The following FAM210A variants were observed in gnomAD, a reference collection of about 807,000 sequenced individuals.
FAM210A encodes the protein family with sequence similarity 210 member A.
In FAM210A, 13 loss-of-function variants were observed where a neutral mutation model predicts 25.3. The observed-to-expected ratio is 0.51, with a 90% CI of 0.33 to 0.82. FAM210A has a LOEUF of 0.82. Among genes scored for constraint, FAM210A ranks in the 40% least tolerant of loss-of-function variants. FAM210A has a pLI of 0.02. For synonymous variants in FAM210A, 125 were observed against 118.7 expected, an observed-to-expected ratio of 1.05 and a Z score of -0.35; for missense variants, 319 against 323.2, an observed-to-expected ratio of 0.99 and a Z score of 0.10.
intron 1 of FAM210A, among the ~76,000 whole-genome samples, chr18:13,697,142 T>G (rs900364429): frequency 6.6e-6 from 1 of 152,154 alleles, no homozygotes; most frequent in African/African-American, 2.4e-5. Flanking sequence ...CCTATGATGT[T>G]CTCACAATGA....
intron 1 of FAM210A, among the ~76,000 whole-genome samples, chr18:13,714,634 G>C (rs184456051): frequency 2.6e-5 from 4 of 152,302 alleles, no homozygotes; most frequent in African/African-American, 9.6e-5. Context: ...TGGCTATTCA[G>C]TCTTCTTTGA....
chr18:13,678,389 G>A (rs1282160805), intron 2 of FAM210A, among the ~76,000 whole-genome samples: 1 of 151,910 alleles, frequency 6.6e-6, no homozygotes, highest in East Asian at 1.9e-4. Context: ...TCCTGCCTCA[G>A]CCTCCCAAGT....
At chr18:13,724,898 T>C (rs1009362856) in intron 1 of FAM210A, among the ~76,000 whole-genome samples, 1 of 152,098 alleles carries the variant, frequency 6.6e-6, no homozygotes, top group Non-Finnish European at 1.5e-5. Context: ...CTCAGCCTCC[T>C]GAGTAGCTGG....
In FAM210A at chr18:13,666,127, A is replaced by T. The variant is rs182448499; in HGVS notation, c.*353T>A. On this transcript the variant is annotated 3_prime_UTR_variant, in exon 4 of 4. Coordinates refer to ENST00000651643, the MANE Select transcript of FAM210A (RefSeq NM_152352.4). ...ATTAACAGACTATTTTATGGGTCAC[A>T]CTGGATATTCAAGGAGTCAGCTGCC... 4 of 222,060 alleles carry T rather than the reference A, an allele frequency of 1.8e-5. No individual in the cohort carries two copies. Among genetic ancestry groups the T allele is most frequent in the African/African-American group, 9.1e-5 (4 of 43,872 alleles). 13.8% of individuals were successfully genotyped at this position (222,060 alleles called of 1,614,324 possible). A position where few individuals can be genotyped will look rare whatever the true frequency, so the allele number is the denominator to read the frequency against.
chr18:13,710,832 G>C (rs986156253), intron 1 of FAM210A, among the ~76,000 whole-genome samples: 2 of 152,136 alleles, frequency 1.3e-5, no homozygotes, highest in African/African-American at 4.8e-5. Flanking sequence ...AGCCTTCAGG[G>C]AGAATGATTT....
chr18:13,723,025 C>T (rs529178963), intron 1 of FAM210A, among the ~76,000 whole-genome samples: 2 of 152,190 alleles, frequency 1.3e-5, no homozygotes, highest in South Asian at 2.1e-4. Flanking sequence ...TTAAAAGCAA[C>T]CAGCCTATCT....
intron 1 of FAM210A, among the ~76,000 whole-genome samples, chr18:13,723,003 T>C (rs1329286254): frequency 6.6e-6 from 1 of 152,106 alleles, no homozygotes; most frequent in East Asian, 1.9e-4. Flanking sequence ...TTTCTCACTT[T>C]ACCCAGTACA....
chr18:13,678,495 G>A (rs1785191), intron 2 of FAM210A, among the ~76,000 whole-genome samples: 7,020 of 152,142 alleles, frequency 0.046, 542 homozygotes, highest in African/African-American at 0.16. Flanking sequence ...TCTCCATGTT[G>A]GTTAGGCTGG....
At chr18:13,680,501 TG>T (rs1482634286) in intron 2 of FAM210A, among the ~76,000 whole-genome samples, 38 of 152,316 alleles carry the variant, frequency 2.5e-4, no homozygotes, top group Middle Eastern at 3.4e-3. Flanking sequence ...TTAGAAATTT[TG>T]TCAAGAAATC....
rs143520840 is a variant in FAM210A, at chr18:13,664,919, A to G, written c.*1561T>C. On this transcript the variant is annotated 3_prime_UTR_variant, in exon 4 of 4. Coordinates refer to ENST00000651643, the MANE Select transcript of FAM210A (RefSeq NM_152352.4). ...AATCTAAGAGGCCATTCCCTCATCC[A>G]ATTAGCAATTGAAGGGTTAGAACTG... 3.6e-3 allele frequency: 546 copies of G among 152,570 alleles called. No homozygotes were observed. Among genetic ancestry groups the G allele is most frequent in the Middle Eastern group, 0.01 (3 of 294 alleles). 9.5% of individuals were successfully genotyped at this position (152,570 alleles called of 1,614,324 possible). A position where few individuals can be genotyped will look rare whatever the true frequency, so the allele number is the denominator to read the frequency against.
intron 1 of FAM210A, among the ~76,000 whole-genome samples, chr18:13,694,045 A>G (rs2043672162): frequency 6.6e-6 from 1 of 152,260 alleles, no homozygotes; most frequent in South Asian, 2.1e-4. Context: ...TACAAAATCA[A>G]TGTGCAAAAA....
At position 13,675,988 on chromosome 18, in the gene FAM210A, T is replaced by G. The variant is rs1211113969; in HGVS notation, c.474-4015A>C. ...CATTCCTGAGCCGTGGTAACTTCTT[T>G]ATTTCCAGTTTCCTGATTATTAACA... On this transcript the variant is annotated intron_variant, in intron 2 of 3. Coordinates refer to ENST00000651643, the MANE Select transcript of FAM210A (RefSeq NM_152352.4). Among the ~76,000 whole-genome samples, 10 of 135,678 alleles carry G rather than the reference T, an allele frequency of 7.4e-5. 3 individuals are homozygous for G. The highest frequency in any genetic ancestry group is 2.4e-4 in the African/African-American group (9 of 37,196). The allele number at this position is 135,678 out of a possible 152,430, so 89.0% of individuals were successfully genotyped here. A position where few individuals can be genotyped will look rare whatever the true frequency, so the allele number is the denominator to read the frequency against.
At chr18:13,701,969 C>G (rs1488807257) in intron 1 of FAM210A, among the ~76,000 whole-genome samples, 3 of 152,210 alleles carry the variant, frequency 2.0e-5, no homozygotes, top group African/African-American at 7.2e-5. Flanking sequence ...AAATTTGAAC[C>G]TTGCCAGTTC....
At chr18:13,667,230 C>G (rs183914367) in intron 3 of FAM210A, among the ~76,000 whole-genome samples, 3 of 152,302 alleles carry the variant, frequency 2.0e-5, no homozygotes, top group Admixed American at 2.0e-4. Context: ...CCTATGCTAC[C>G]TTCTCATCAC....
intron 1 of FAM210A, among the ~76,000 whole-genome samples, chr18:13,683,984 T>G (rs1169522615): frequency 6.6e-6 from 1 of 152,160 alleles, no homozygotes; most frequent in African/African-American, 2.4e-5. Flanking sequence ...CCCTCCCAAA[T>G]GAATAATTAA....
At chr18:13,669,137 C>G (rs556863680) in intron 3 of FAM210A, among the ~76,000 whole-genome samples, 5 of 152,288 alleles carry the variant, frequency 3.3e-5, no homozygotes, top group African/African-American at 9.6e-5. Context: ...GAGAATCCAA[C>G]TACTTCCTGC....
At chr18:13,720,113 C>T (rs1430759278) in intron 1 of FAM210A, among the ~76,000 whole-genome samples, 1 of 152,178 alleles carries the variant, frequency 6.6e-6, no homozygotes, top group Admixed American at 6.5e-5. Flanking sequence ...AGCCCAGTAG[C>T]AAGCCCAAAA....
In FAM210A at chr18:13,673,649, CTTT is replaced by C. The variant is rs1444329743; in HGVS notation, c.474-1679_474-1677del. Among the ~76,000 whole-genome samples, 22 of 139,322 alleles carry C rather than the reference CTTT, an allele frequency of 1.6e-4. No homozygotes were observed. In the East Asian group the frequency reaches 2.0e-3, roughly 13 times the overall value. The allele number at this position is 139,322 out of a possible 152,430, so 91.4% of individuals were successfully genotyped here. On this transcript the variant is annotated intron_variant, in intron 2 of 3. Transcript: ENST00000651643. ...TATTAACATTCCTGAGACCCGACTT[CTTT>C]ATTTCCAGTTTCCTGATTATTAACA...
At chr18:13,714,231 G>A (rs1284216) in intron 1 of FAM210A, among the ~76,000 whole-genome samples, 9,077 of 152,222 alleles carry the variant, frequency 0.06, 915 homozygotes, top group African/African-American at 0.21. Flanking sequence ...AGACATGTCA[G>A]ACATGAGTTA....
Sources: gnomAD v4.1 joint callset for allele counts (sites outside exome capture counted in the v4.1 genomes callset) on GRCh38, gnomAD v4.1.1 for gene constraint, MANE v1.5 for transcripts, NCBI Gene and HGNC (gene_info 2026-07-23, HGNC 2026-07-21) for gene names.